Variants in NELL2 observed in about 807,000 individuals in gnomAD.
The protein encoded by NELL2 is protein kinase C-binding protein NELL2.
In NELL2, 41 loss-of-function variants were observed where a neutral mutation model predicts 109.6. That is an observed-to-expected ratio of 0.37 (90% confidence interval 0.29 to 0.49). The LOEUF (loss-of-function observed/expected upper bound fraction) is 0.49. Ranked by LOEUF, NELL2 falls within the 20% of genes least tolerant of loss-of-function variation. The probability of loss-of-function intolerance (pLI) is 0.98; values close to 1 mark genes in which losing one functional copy is unlikely to be tolerated. For missense variants in NELL2, 900 were observed against 1,008.3 expected (o/e 0.89, Z 1.45); for synonymous variants, 355 against 344.7 (o/e 1.03, Z -0.33).
chr12:44,832,697 G>A (rs1023221860), intron 2 of NELL2, among the ~76,000 whole-genome samples: 12 of 152,198 alleles, frequency 7.9e-5, no homozygotes, highest in African/African-American at 2.9e-4. Context: ...TAAAGGTAGA[G>A]TAGATAACAA....
At chr12:44,658,598 T>A (rs1020308561) in intron 13 of NELL2, among the ~76,000 whole-genome samples, 6 of 151,816 alleles carry the variant, frequency 4.0e-5, no homozygotes, top group African/African-American at 1.5e-4. Context: ...TAGTTTAAAT[T>A]TCATATGGAA....
intron 2 of NELL2, among the ~76,000 whole-genome samples, chr12:44,818,354 C>T (rs1247550943): frequency 6.6e-6 from 1 of 152,128 alleles, no homozygotes; most frequent in Non-Finnish European, 1.5e-5. Context: ...TATTATGCTT[C>T]TCCTCTTTTC....
intron 9 of NELL2, among the ~76,000 whole-genome samples, chr12:44,727,104 T>C (rs906729619): frequency 6.6e-6 from 1 of 152,140 alleles, no homozygotes; most frequent in Non-Finnish European, 1.5e-5. Flanking sequence ...CTAATGCTGC[T>C]GGTTCAATGA....
chr12:44,904,141 A>G (rs1338840754), intron 1 of NELL2, among the ~76,000 whole-genome samples: 1 of 152,040 alleles, frequency 6.6e-6, no homozygotes, highest in Non-Finnish European at 1.5e-5. Flanking sequence ...AATGTCTATG[A>G]CTCTTTTGGA....
rs565802551 is a variant in NELL2 at position 44,760,198 on chromosome 12, C to T, written c.994+14549G>A. Among the ~76,000 whole-genome samples, 8 of 152,208 alleles carry T rather than the reference C, an allele frequency of 5.3e-5. No individual in the cohort carries two copies. The South Asian group carries it at 1.5e-3, about 28-fold the overall frequency. On this transcript the variant is annotated intron_variant, in intron 9 of 19. Transcript: ENST00000429094. ...ATGTTACTCCACCAAAATTAGTCCACCTCCGAAATATTTCAACTCTTAGCC... is the reference window on the plus strand; with the variant it reads ...ATGTTACTCCACCAAAATTAGTCCATCTCCGAAATATTTCAACTCTTAGCC...
chr12:44,557,818 C>A (rs577260040), intron 15 of NELL2, among the ~76,000 whole-genome samples: 2 of 152,048 alleles, frequency 1.3e-5, no homozygotes, highest in Admixed American at 1.3e-4. Context: ...GAAAACAAGA[C>A]TGAAAAAGAG....
At chr12:44,750,033 G>A (rs1283919039) in intron 9 of NELL2, among the ~76,000 whole-genome samples, 1 of 151,936 alleles carries the variant, frequency 6.6e-6, no homozygotes, top group East Asian at 1.9e-4. Flanking sequence ...GAGAAAGAGA[G>A]GGAACATATA....
chr12:44,773,761 G>A (rs1445493020), intron 9 of NELL2, among the ~76,000 whole-genome samples: 2 of 152,142 alleles, frequency 1.3e-5, no homozygotes, highest in Non-Finnish European at 2.9e-5. Context: ...TTATGAGACG[G>A]ACTGGCTTCA....
At chr12:44,522,204 C>T (rs1247647836) in intron 17 of NELL2, 28 bp from the exon 18 acceptor site, 1 of 1,603,174 alleles carries the variant, frequency 6.2e-7, no homozygotes, top group Admixed American at 1.7e-5. Context: ...AAAGCAGTTA[C>T]CAAAAACCTC....
At chr12:44,738,767 A>G (rs983809795) in intron 9 of NELL2, among the ~76,000 whole-genome samples, 10 of 152,226 alleles carry the variant, frequency 6.6e-5, no homozygotes, top group African/African-American at 2.4e-4. Flanking sequence ...TATAGTTAAT[A>G]ATAACGTATT....
At chr12:44,873,247 A>T (rs1011359263) in intron 2 of NELL2, among the ~76,000 whole-genome samples, 6 of 152,216 alleles carry the variant, frequency 3.9e-5, no homozygotes, top group Non-Finnish European at 7.4e-5. Context: ...CTCTGTCTAA[A>T]TATTGAGCTC....
chr12:44,620,386 T>C (rs1946011231), intron 13 of NELL2, among the ~76,000 whole-genome samples: 1 of 152,114 alleles, frequency 6.6e-6, no homozygotes, highest in African/African-American at 2.4e-5. Context: ...GCATCATTGA[T>C]CTATAGTGTG....
intron 12 of NELL2, among the ~76,000 whole-genome samples, chr12:44,687,757 T>C (rs1948773660): frequency 6.6e-6 from 1 of 152,228 alleles, no homozygotes; most frequent in African/African-American, 2.4e-5. Context: ...TCTCTATGCA[T>C]ACCTGACCTT....
chr12:44,906,927 A>T (rs1396971771), intron 1 of NELL2, among the ~76,000 whole-genome samples: 1 of 152,122 alleles, frequency 6.6e-6, no homozygotes, highest in East Asian at 1.9e-4. Context: ...GCCAAATCTC[A>T]TCTTGAATTG....
intron 9 of NELL2, among the ~76,000 whole-genome samples, chr12:44,761,721 T>C (rs1941135041): frequency 6.6e-6 from 1 of 152,180 alleles, no homozygotes; most frequent in Admixed American, 6.5e-5. Context: ...AATCACATCT[T>C]TTGAAGCAGC....
chr12:44,655,025 C>G (rs1452261), intron 13 of NELL2, among the ~76,000 whole-genome samples: 24,556 of 152,052 alleles, frequency 0.16, 2,058 homozygotes, highest in East Asian at 0.21. Context: ...GCTAAGACAC[C>G]GTTATTATTA....
At chr12:44,667,908 G>C (rs900594011) in intron 12 of NELL2, among the ~76,000 whole-genome samples, 3 of 152,140 alleles carry the variant, frequency 2.0e-5, no homozygotes, top group African/African-American at 7.2e-5. Flanking sequence ...CCTGAGCCTA[G>C]CATAGGAAAC....
chr12:44,744,329 A>T (rs1027114018), intron 9 of NELL2, among the ~76,000 whole-genome samples: 3 of 152,218 alleles, frequency 2.0e-5, no homozygotes, highest in East Asian at 1.9e-4. Context: ...ATAACACTAA[A>T]TGCCCACAAG....
chr12:44,639,323 C>A (rs1946760571), intron 13 of NELL2, among the ~76,000 whole-genome samples: 1 of 152,096 alleles, frequency 6.6e-6, no homozygotes, highest in Non-Finnish European at 1.5e-5. Flanking sequence ...CAAATATTTT[C>A]TTTATGAATC....
Sources: gnomAD v4.1 joint callset for allele counts (sites outside exome capture counted in the v4.1 genomes callset) on GRCh38, gnomAD v4.1.1 for gene constraint, MANE v1.5 for transcripts, NCBI Gene and HGNC (gene_info 2026-07-23, HGNC 2026-07-21) for gene names.